Variants in IMMP2L observed in about 807,000 individuals in gnomAD.
IMMP2L encodes the protein mitochondrial inner membrane protease subunit 2.
In IMMP2L, 18 loss-of-function variants were observed where a neutral mutation model predicts 19.3. That is an observed-to-expected ratio of 0.93 (90% CI 0.64 to 1.38). IMMP2L has a LOEUF of 1.38. Ranked by LOEUF, IMMP2L falls within the 40% of genes most tolerant of loss-of-function variation. The pLI, the probability that IMMP2L is intolerant of heterozygous loss-of-function variation, is 0.00. For missense variants in IMMP2L, 233 were observed against 218.2 expected, an observed-to-expected ratio of 1.07 and a Z score of -0.43; for synonymous variants, 76 against 73.0, an observed-to-expected ratio of 1.04 and a Z score of -0.21.
intron 4 of IMMP2L, among the ~76,000 whole-genome samples, chr7:110,926,398 C>G (rs1313898638): frequency 6.6e-6 from 1 of 152,002 alleles, no homozygotes; most frequent in African/African-American, 2.4e-5. Context: ...ATATTTATGT[C>G]TGAAGTGTTT....
At chr7:111,185,161 T>C (rs1297547294) in intron 3 of IMMP2L, among the ~76,000 whole-genome samples, 2 of 152,192 alleles carry the variant, frequency 1.3e-5, no homozygotes, top group East Asian at 3.9e-4. Flanking sequence ...CCAGTCCCTA[T>C]GCCATATGGC....
At chr7:111,339,599 G>C (rs1241621579) in intron 3 of IMMP2L, among the ~76,000 whole-genome samples, 3 of 151,786 alleles carry the variant, frequency 2.0e-5, no homozygotes, top group South Asian at 4.2e-4. Flanking sequence ...GAAAAAACTG[G>C]AAGTAAGGAG....
intron 3 of IMMP2L, among the ~76,000 whole-genome samples, chr7:111,355,191 TTTC>T (rs1828571360): frequency 6.6e-6 from 1 of 151,684 alleles, no homozygotes; most frequent in South Asian, 2.1e-4. Context: ...GAAATTAAAT[TTTC>T]TTCTTAAAAG....
intron 3 of IMMP2L, among the ~76,000 whole-genome samples, chr7:111,366,205 C>T (rs1829745757): frequency 6.6e-6 from 1 of 151,778 alleles, no homozygotes; most frequent in East Asian, 1.9e-4. Context: ...CAGATAAATA[C>T]TGAGAGCTTC....
At chr7:111,518,755 T>C (rs1365919632) in intron 2 of IMMP2L, among the ~76,000 whole-genome samples, 2 of 152,114 alleles carry the variant, frequency 1.3e-5, no homozygotes. Context: ...AAACTGTAAA[T>C]TAAATTATCT....
chr7:111,088,013 C>T (rs530507348), intron 3 of IMMP2L, among the ~76,000 whole-genome samples: 8 of 152,268 alleles, frequency 5.3e-5, no homozygotes, highest in Admixed American at 5.2e-4. Context: ...AGAGATGATA[C>T]TTAACATGAT....
intron 3 of IMMP2L, among the ~76,000 whole-genome samples, chr7:111,180,845 G>T (rs10257931): frequency 0.093 from 14,104 of 152,010 alleles, 905 homozygotes; most frequent in African/African-American, 0.17. Context: ...AAATTTGACA[G>T]ACTGTATATT....
At chr7:110,809,707 C>G (rs1200252638) in intron 5 of IMMP2L, among the ~76,000 whole-genome samples, 2 of 152,014 alleles carry the variant, frequency 1.3e-5, no homozygotes, top group African/African-American at 4.8e-5. Flanking sequence ...TCTTCAAAAC[C>G]TGAAATAAAC....
At chr7:110,903,562 T>A (rs1812131610) in intron 4 of IMMP2L, among the ~76,000 whole-genome samples, 1 of 152,226 alleles carries the variant, frequency 6.6e-6, no homozygotes, top group Admixed American at 6.5e-5. Context: ...GTCCTCAAGT[T>A]CATCCACGTT....
Position 111,066,732 on chromosome 7 carries a change from GC to G in IMMP2L, c.240-103168del, listed in dbSNP as rs141380515. 6.0e-3 allele frequency among the ~76,000 whole-genome samples: 912 copies of G among 152,250 alleles called. 12 individuals carry two copies. Among genetic ancestry groups the G allele is most frequent in the African/African-American group, 0.021 (867 of 41,536 alleles). ...TTGGCTTCTGATGGGTAATCTCTAG[GC>G]CCCCGAAATGTCAGGAGTGTCTGAT... On this transcript the variant is annotated intron_variant, in intron 3 of 5. Coordinates refer to ENST00000405709, the MANE Select transcript of IMMP2L (RefSeq NM_032549.4).
At chr7:110,986,157 T>G (rs1821826858) in intron 3 of IMMP2L, among the ~76,000 whole-genome samples, 1 of 152,162 alleles carries the variant, frequency 6.6e-6, no homozygotes, top group Non-Finnish European at 1.5e-5. Context: ...TCATACAGTA[T>G]CAATGATTCC....
chr7:110,777,954 T>G (rs1799502208), intron 5 of IMMP2L, among the ~76,000 whole-genome samples: 1 of 152,006 alleles, frequency 6.6e-6, no homozygotes. Context: ...TTCTAACTGA[T>G]GGACAGCAGT....
chr7:111,075,436 A>T (rs1563216597), intron 3 of IMMP2L, among the ~76,000 whole-genome samples: 1 of 152,136 alleles, frequency 6.6e-6, no homozygotes, highest in African/African-American at 2.4e-5. Context: ...CCTTGTTTAC[A>T]GACACTTAAA....
chr7:111,217,378 G>A (rs768430054), intron 3 of IMMP2L, among the ~76,000 whole-genome samples: 10 of 151,982 alleles, frequency 6.6e-5, no homozygotes, highest in African/African-American at 1.5e-4. Flanking sequence ...ATATCAGTCC[G>A]CTTAAGTGGG....
At chr7:111,302,925 T>C (rs994722855) in intron 3 of IMMP2L, among the ~76,000 whole-genome samples, 1 of 152,152 alleles carries the variant, frequency 6.6e-6, no homozygotes, top group Non-Finnish European at 1.5e-5. Flanking sequence ...TCCAGTGACC[T>C]GAACCTCCAA....
chr7:110,846,688 C>T (rs1281654301), intron 5 of IMMP2L, among the ~76,000 whole-genome samples: 2 of 152,026 alleles, frequency 1.3e-5, no homozygotes, highest in East Asian at 3.9e-4. Context: ...TCTAATTCAA[C>T]CTTGAATGCT....
intron 3 of IMMP2L, among the ~76,000 whole-genome samples, chr7:111,366,963 C>T (rs1018599787): frequency 2.6e-5 from 4 of 151,612 alleles, no homozygotes; most frequent in African/African-American, 9.7e-5. Flanking sequence ...ATTCTTTGTA[C>T]CATCTTTGCA....
chr7:110,722,827 G>A (rs1432111336), intron 5 of IMMP2L, among the ~76,000 whole-genome samples: 1 of 152,100 alleles, frequency 6.6e-6, no homozygotes, highest in African/African-American at 2.4e-5. Context: ...CTAGAAGGAT[G>A]GGGTAGGGGT....
intron 5 of IMMP2L, among the ~76,000 whole-genome samples, chr7:110,762,456 T>C (rs1798407055): frequency 1.3e-5 from 2 of 152,242 alleles, no homozygotes; most frequent in Admixed American, 1.3e-4. Context: ...ATAACGAACA[T>C]GTTCATTTGA....
Sources: gnomAD v4.1 joint callset for allele counts (sites outside exome capture counted in the v4.1 genomes callset) on GRCh38, gnomAD v4.1.1 for gene constraint, MANE v1.5 for transcripts, NCBI Gene and HGNC (gene_info 2026-07-23, HGNC 2026-07-21) for gene names.